Variants in BMP6 observed in about 807,000 individuals in gnomAD.
The protein encoded by BMP6 is bone morphogenetic protein 6.
BMP6 carries 17 observed loss-of-function variants against 54.1 expected under a neutral mutation model. The ratio of observed to expected loss-of-function variants is 0.31; its 90% CI spans 0.22 to 0.47. BMP6 has a LOEUF of 0.47. Ranked by LOEUF, BMP6 falls within the 20% of genes least tolerant of loss-of-function variation. The pLI, the probability that BMP6 is intolerant of heterozygous loss-of-function variation, is 1.00. For missense variants in BMP6, 720 were observed against 690.4 expected (o/e 1.04, Z -0.48); for synonymous variants, 328 against 291.2 (o/e 1.13, Z -1.28).
chr6:7,747,619 T>C (rs796206408), intron 1 of BMP6, among the ~76,000 whole-genome samples: 4 of 152,292 alleles, frequency 2.6e-5, no homozygotes, highest in African/African-American at 9.6e-5. Flanking sequence ...TGCTGACACC[T>C]GGTTTTCAGC....
At chr6:7,790,956 T>A (rs1374031535) in intron 1 of BMP6, among the ~76,000 whole-genome samples, 35 of 152,196 alleles carry the variant, frequency 2.3e-4, no homozygotes, top group Non-Finnish European at 7.3e-5. Flanking sequence ...CTCCTTCCCA[T>A]GAGCATTTAT....
At chr6:7,868,172 CAA>C (rs1170875904) in intron 4 of BMP6, among the ~76,000 whole-genome samples, 1 of 152,126 alleles carries the variant, frequency 6.6e-6, no homozygotes, top group Admixed American at 6.5e-5. Context: ...GAAAAGAGAC[CAA>C]AGTCCCACCC....
chr6:7,862,026 G>A (rs1023245235), intron 3 of BMP6, among the ~76,000 whole-genome samples: 5 of 152,200 alleles, frequency 3.3e-5, no homozygotes, highest in Admixed American at 1.3e-4. Flanking sequence ...GGAGGGCAGG[G>A]TAACTGCAGA....
At chr6:7,848,585 A>G (rs1187869146) in intron 2 of BMP6, among the ~76,000 whole-genome samples, 1 of 152,168 alleles carries the variant, frequency 6.6e-6, no homozygotes, top group Non-Finnish European at 1.5e-5. Flanking sequence ...TATTTGAGAA[A>G]TACCTCCTGT....
At position 7,838,601 on chromosome 6, in the gene BMP6, C is replaced by T. The variant is rs555188533; in HGVS notation, c.665-6539C>T. On this transcript the variant is annotated intron_variant, in intron 1 of 6. Transcript: ENST00000283147. ...TCAGACTGAAAGTCAGAGTCCTTGCCGCTCTCCTGATTTTAAAGGCAGTGA... is the reference window on the plus strand; with the variant it reads ...TCAGACTGAAAGTCAGAGTCCTTGCTGCTCTCCTGATTTTAAAGGCAGTGA... Among the ~76,000 whole-genome samples the T allele has an allele frequency of 2.6e-5, 4 of 152,254 alleles. No homozygotes were observed. In the South Asian group the frequency reaches 6.2e-4, roughly 24 times the overall value.
chr6:7,782,231 G>T (rs900328402), intron 1 of BMP6, among the ~76,000 whole-genome samples: 4 of 142,818 alleles, frequency 2.8e-5, no homozygotes, highest in African/African-American at 9.8e-5. Flanking sequence ...ATTGAGATAG[G>T]GAACTCTAGG....
chr6:7,766,981 ATAGT>A (rs1246842373), intron 1 of BMP6, among the ~76,000 whole-genome samples: 11 of 128,200 alleles, frequency 8.6e-5, no homozygotes, highest in East Asian at 2.2e-4. Context: ...TTTTTAAATG[ATAGT>A]TTGTTTGTTT....
In BMP6 at chr6:7,840,701, T is replaced by C. The variant is rs186964059; in HGVS notation, c.665-4439T>C. Among the ~76,000 whole-genome samples the C allele has an allele frequency of 6.6e-5, 10 of 152,226 alleles. No homozygotes were observed. In the East Asian group the frequency reaches 1.7e-3, roughly 26 times the overall value. On this transcript the variant is annotated intron_variant, in intron 1 of 6. Coordinates refer to ENST00000283147, the MANE Select transcript of BMP6 (RefSeq NM_001718.6). ...TAGAGTTAGAGCATGCAGTTTGTTG[T>C]TTTGTTTTTATTGTCCTTAACAATG...
rs764574165 is a variant in BMP6, at chr6:7,880,135, A to C, written c.1392+34A>C. The C allele has an allele frequency of 3.1e-6, 5 of 1,614,046 alleles. No individual in the cohort carries two copies. The Admixed American group carries it at 8.3e-5, about 27-fold the overall frequency. On this transcript the variant is annotated intron_variant, in intron 6 of 6. Coordinates refer to ENST00000283147, the MANE Select transcript of BMP6 (RefSeq NM_001718.6). Reference sequence around the variant, plus strand: ...TCGGAGACTTTGTTTTGTAAGTGGGAGTAAGCCAAGACCAGGTGTCATTTC... The same window carrying C: ...TCGGAGACTTTGTTTTGTAAGTGGGCGTAAGCCAAGACCAGGTGTCATTTC...
chr6:7,831,466 A>C (rs1386211916), intron 1 of BMP6, among the ~76,000 whole-genome samples: 2 of 152,220 alleles, frequency 1.3e-5, no homozygotes, highest in East Asian at 3.8e-4. Flanking sequence ...ATTTTACCTC[A>C]ATTGAAAAGA....
intron 1 of BMP6, among the ~76,000 whole-genome samples, chr6:7,814,630 T>C (rs1025194223): frequency 1.3e-5 from 2 of 152,196 alleles, no homozygotes. Context: ...CTTCAAGCCA[T>C]TGGCAGGAGA....
chr6:7,861,090 A>T (rs1187558273), intron 2 of BMP6, among the ~76,000 whole-genome samples: 4 of 152,170 alleles, frequency 2.6e-5, no homozygotes, highest in Non-Finnish European at 1.5e-5. Flanking sequence ...GTCTCAAAAA[A>T]AAAAAAATAA....
chr6:7,823,240 C>A (rs554032015), intron 1 of BMP6, among the ~76,000 whole-genome samples: 1 of 152,286 alleles, frequency 6.6e-6, no homozygotes, highest in African/African-American at 2.4e-5. Context: ...AGTGGACAAA[C>A]AAATTACACC....
intron 1 of BMP6, among the ~76,000 whole-genome samples, chr6:7,760,146 C>T (rs7743865): frequency 0.14 from 21,185 of 147,668 alleles, 1,647 homozygotes; most frequent in East Asian, 0.32. Flanking sequence ...ACTGCAGCCT[C>T]GAACTCCTGG....
intron 2 of BMP6, among the ~76,000 whole-genome samples, chr6:7,845,696 G>A (rs1354013498): frequency 1.3e-5 from 2 of 152,144 alleles, no homozygotes; most frequent in Admixed American, 6.5e-5. Flanking sequence ...TATGATGCTT[G>A]TAAGTGATAA....
At chr6:7,752,269 A>G (rs1757437222) in intron 1 of BMP6, among the ~76,000 whole-genome samples, 2 of 152,216 alleles carry the variant, frequency 1.3e-5, no homozygotes, top group Admixed American at 6.5e-5. Flanking sequence ...TATTTATAAA[A>G]CTAGGTGGCT....
rs563834431 is a variant in BMP6, at chr6:7,819,735, C to A, written c.665-25405C>A. Among the ~76,000 whole-genome samples the A allele has an allele frequency of 2.6e-5, 4 of 152,300 alleles. No homozygotes were observed. The South Asian group carries it at 8.3e-4, about 32-fold the overall frequency. On this transcript the variant is annotated intron_variant, in intron 1 of 6. Coordinates refer to ENST00000283147, the MANE Select transcript of BMP6 (RefSeq NM_001718.6). ...AACTCGGCATGTAAGTGAAGATGGT[C>A]TTTAAATCCCAGATGTTGTTTTTCC...
intron 1 of BMP6, among the ~76,000 whole-genome samples, chr6:7,757,486 A>G (rs1408527398): frequency 1.3e-5 from 2 of 152,102 alleles, no homozygotes; most frequent in Non-Finnish European, 2.9e-5. Context: ...GTCAGATTGG[A>G]TTAAGGGCCC....
chr6:7,874,851 T>C (rs1290897987), intron 4 of BMP6, among the ~76,000 whole-genome samples: 1 of 152,192 alleles, frequency 6.6e-6, no homozygotes, highest in African/African-American at 2.4e-5. Context: ...GCCCTAACTA[T>C]TGAATAATAA....
Sources: allele counts gnomAD v4.1 joint callset (sites outside exome capture counted in the v4.1 genomes callset), GRCh38; gene constraint gnomAD v4.1.1; transcripts MANE v1.5; gene names NCBI Gene and HGNC (gene_info 2026-07-23, HGNC 2026-07-21).